RAD51B: variants seen among roughly 807,000 people sequenced by gnomAD.
The protein encoded by RAD51B is RAD51 paralog B.
Under a neutral mutation model 42.2 loss-of-function variants are expected in RAD51B, and 38 were observed. That is an observed-to-expected ratio of 0.90 (90% confidence interval 0.70 to 1.18). RAD51B has a LOEUF of 1.18. Ranked by LOEUF, RAD51B falls within the 50% of genes most tolerant of loss-of-function variation. The pLI is 0.00. For synonymous variants in RAD51B, 154 were observed against 145.2 expected (o/e 1.06, Z -0.43); for missense variants, 373 against 400.7 (o/e 0.93, Z 0.59).
At chr14:68,020,339 G>T (rs1335483391) in intron 7 of RAD51B, among the ~76,000 whole-genome samples, 3 of 152,086 alleles carry the variant, frequency 2.0e-5, no homozygotes, top group African/African-American at 7.2e-5. Flanking sequence ...TTGAACTCCT[G>T]AGCTCAAGCA....
chr14:68,577,013 C>A (rs573131279), intron 10 of RAD51B, among the ~76,000 whole-genome samples: 4 of 152,250 alleles, frequency 2.6e-5, no homozygotes, highest in African/African-American at 9.6e-5. Context: ...GCTTGGGAGG[C>A]CAGGGTCTGT....
downstream of RAD51B, among the ~76,000 whole-genome samples, chr14:68,596,335 A>G (rs763003509): frequency 6.6e-6 from 1 of 152,128 alleles, no homozygotes; most frequent in Non-Finnish European, 1.5e-5. Context: ...CATGGAGGAC[A>G]ATTATAAACC....
chr14:68,627,445 G>C (rs1456310654), intron 10 of RAD51B: 1 of 152,228 alleles, frequency 6.6e-6, no homozygotes, highest in East Asian at 1.9e-4. Flanking sequence ...CAAGTCACGA[G>C]ACCTCCTTTG....
chr14:68,154,332 T>C (rs2078454231), intron 7 of RAD51B, among the ~76,000 whole-genome samples: 3 of 152,204 alleles, frequency 2.0e-5, no homozygotes, highest in African/African-American at 7.2e-5. Context: ...GCAAGACCCG[T>C]CTGAGTATTC....
At chr14:68,370,342 A>G (rs148301805) in intron 8 of RAD51B, among the ~76,000 whole-genome samples, 150 of 152,380 alleles carry the variant, frequency 9.8e-4, no homozygotes, top group African/African-American at 3.5e-3. Flanking sequence ...AATAACATCT[A>G]TTTATGGCAC....
chr14:68,637,126 C>G (rs1892356917), intron 10 of RAD51B, among the ~76,000 whole-genome samples: 1 of 152,188 alleles, frequency 6.6e-6, no homozygotes, highest in Admixed American at 6.5e-5. Flanking sequence ...ATTGCTCAGG[C>G]TAGAGTGCAG....
intron 7 of RAD51B, among the ~76,000 whole-genome samples, chr14:68,185,262 A>T (rs2079135259): frequency 6.6e-6 from 1 of 152,210 alleles, no homozygotes; most frequent in Admixed American, 6.5e-5. Flanking sequence ...TAATAACTAC[A>T]TAATAAAGTA....
In RAD51B at chr14:68,239,235, T is replaced by C. The variant is rs372739245; in HGVS notation, c.757-52649T>C. ...TGTGGTTAGACACCTGTCCTTCCTA[T>C]GGCATTTCTCCTGCTTATTCGCCCC... On this transcript the variant is annotated intron_variant, in intron 7 of 10. Transcript: ENST00000471583. Among the ~76,000 whole-genome samples the C allele has an allele frequency of 5.9e-5, 9 of 152,296 alleles. 1 individual carries two copies. The highest frequency in any genetic ancestry group is 2.2e-4 in the African/African-American group (9 of 41,568).
At chr14:68,436,082 A>T (rs8012610) in intron 9 of RAD51B, among the ~76,000 whole-genome samples, 73,761 of 151,994 alleles carry the variant, frequency 0.49, 19,004 homozygotes, top group African/African-American at 0.66. Context: ...GGCTTAGTCA[A>T]AAATTCTTTC....
intron 8 of RAD51B, among the ~76,000 whole-genome samples, chr14:68,300,445 A>G (rs145924035): frequency 0.014 from 2,206 of 152,164 alleles, 48 homozygotes; most frequent in African/African-American, 0.05. Flanking sequence ...CCTGGCTTCA[A>G]GCAATCCTCC....
intron 8 of RAD51B, among the ~76,000 whole-genome samples, chr14:68,399,522 G>A (rs2084031982): frequency 6.6e-6 from 1 of 152,162 alleles, no homozygotes; most frequent in African/African-American, 2.4e-5. Flanking sequence ...CTCCCAAAGT[G>A]CCGGGATTAC....
chr14:68,168,505 C>T (rs1025992764), intron 7 of RAD51B, among the ~76,000 whole-genome samples: 1 of 152,118 alleles, frequency 6.6e-6, no homozygotes, highest in Non-Finnish European at 1.5e-5. Flanking sequence ...TACACAAGCA[C>T]TCTGGAATTT....
intron 7 of RAD51B, among the ~76,000 whole-genome samples, chr14:68,101,157 C>T (rs1337665864): frequency 6.6e-6 from 1 of 152,140 alleles, no homozygotes; most frequent in African/African-American, 2.4e-5. Flanking sequence ...ATTCAATTAC[C>T]TCCCACCAGG....
chr14:67,825,183 C>G (rs1323536771), intron 2 of RAD51B, among the ~76,000 whole-genome samples: 1 of 150,722 alleles, frequency 6.6e-6, no homozygotes, highest in East Asian at 1.9e-4. Context: ...AAGTGTAGCG[C>G]TCATACGCAC....
chr14:68,095,513 C>T (rs907104281), intron 7 of RAD51B, among the ~76,000 whole-genome samples: 4 of 151,610 alleles, frequency 2.6e-5, no homozygotes, highest in African/African-American at 4.8e-5. Context: ...GTACTTCCCT[C>T]CCTTCAATTT....
At position 68,548,230 on chromosome 14, in the gene RAD51B, C is replaced by T. The variant is rs534970744; in HGVS notation, c.1037-46255C>T. On this transcript the variant is annotated intron_variant, in intron 10 of 10. Coordinates refer to the RAD51B transcript ENST00000487270. ...ACCTCCCCTTAGTGCTGGGTGAGTTCATCCATCAGGACCCCTGCCTGGGAC... is the reference window on the plus strand; with the variant it reads ...ACCTCCCCTTAGTGCTGGGTGAGTTTATCCATCAGGACCCCTGCCTGGGAC... Among the ~76,000 whole-genome samples, 391 of 152,298 alleles carry T rather than the reference C, an allele frequency of 2.6e-3. 3 individuals carry two copies. The highest frequency in any genetic ancestry group is 8.9e-3 in the African/African-American group (372 of 41,574).
Position 68,563,725 on chromosome 14 carries a change from G to A in RAD51B, c.1037-30760G>A, listed in dbSNP as rs577929136. On this transcript the variant is annotated intron_variant, in intron 10 of 10. Transcript: ENST00000487270. ...CACTGCTCCTTTTCTAAATGGGAAC[G>A]AAAGAGGGAGAGGTGGTGGGGAGAG... is the stretch of plus-strand genomic sequence containing the variant. 195 of 985,372 alleles carry A rather than the reference G, an allele frequency of 2.0e-4. No homozygotes were observed. In the African/African-American group the frequency reaches 3.1e-3, roughly 16 times the overall value. 61.0% of individuals were successfully genotyped at this position (985,372 alleles called of 1,614,324 possible).
intron 4 of RAD51B, among the ~76,000 whole-genome samples, chr14:67,836,696 C>T (rs976811396): frequency 2.0e-5 from 3 of 152,130 alleles, no homozygotes; most frequent in Non-Finnish European, 4.4e-5. Context: ...AACTCCTGGC[C>T]TCAGGTGATC....
intron 7 of RAD51B, among the ~76,000 whole-genome samples, chr14:68,077,880 C>T (rs1358250514): frequency 6.6e-6 from 1 of 152,212 alleles, no homozygotes; most frequent in East Asian, 1.9e-4. Context: ...CGCTTGAACC[C>T]GGGAAGTGGA....
Sources: gnomAD v4.1 joint callset for allele counts (sites outside exome capture counted in the v4.1 genomes callset) on GRCh38, gnomAD v4.1.1 for gene constraint, MANE v1.5 for transcripts, NCBI Gene and HGNC (gene_info 2026-07-23, HGNC 2026-07-21) for gene names.